Variants in LARGE1 observed in about 807,000 individuals in gnomAD.
LARGE1 encodes LARGE xylosyl- and glucuronyltransferase 1.
In LARGE1, 43 loss-of-function variants were observed where a neutral mutation model predicts 87.6. The ratio of observed to expected loss-of-function variants is 0.49; its 90% CI spans 0.38 to 0.63. LARGE1 has a LOEUF of 0.63. LARGE1 is among the 30% of genes least tolerant of loss of function. The pLI is 0.00. For missense variants in LARGE1, 802 were observed against 1,000.2 expected (o/e 0.80, Z 2.67); for synonymous variants, 434 against 394.6 (o/e 1.10, Z -1.18).
chr22:33,262,008 A>C (rs1164064703), intron 11 of LARGE1, among the ~76,000 whole-genome samples: 1 of 152,260 alleles, frequency 6.6e-6, no homozygotes, highest in Non-Finnish European at 1.5e-5. Context: ...GGATAAAGAA[A>C]GAGTTCTCTA....
chr22:33,698,295 A>G (rs2082311689), intron 2 of LARGE1, among the ~76,000 whole-genome samples: 1 of 139,046 alleles, frequency 7.2e-6, no homozygotes, highest in Non-Finnish European at 1.5e-5. Flanking sequence ...GCTGGTCTTG[A>G]ACTCCTAGCC....
At chr22:33,694,718 G>A (rs1383510683) in intron 2 of LARGE1, among the ~76,000 whole-genome samples, 2 of 152,102 alleles carry the variant, frequency 1.3e-5, no homozygotes, top group Admixed American at 6.6e-5. Flanking sequence ...TGGAGAGACA[G>A]GAGGGGGAAG....
intron 12 of LARGE1, among the ~76,000 whole-genome samples, chr22:33,303,505 A>G (rs565408870): frequency 6.6e-6 from 1 of 152,314 alleles, no homozygotes; most frequent in South Asian, 2.1e-4. Context: ...ACACTTCCAT[A>G]AGCACTAGGC....
At chr22:33,119,529 G>A in the LARGE1 span, among the ~76,000 whole-genome samples, 1 of 152,008 alleles carries the variant, frequency 6.6e-6, no homozygotes, top group Middle Eastern at 3.4e-3. Context: ...TTCCTGGCCT[G>A]TTATGGGCAC....
chr22:33,277,317 C>A, intron 13 of LARGE1, 62 bp from the exon 14 acceptor site: 2 of 1,494,188 alleles, frequency 1.3e-6, no homozygotes, highest in East Asian at 2.3e-5. Context: ...CCAAATGCAG[C>A]CGATGTGGAG....
rs187352629 is a variant in LARGE1 at position 33,605,908 on chromosome 22, G to A, written c.492-1350C>T. Among the ~76,000 whole-genome samples, 17 of 152,306 alleles carry A rather than the reference G, an allele frequency of 1.1e-4. No individual in the cohort carries two copies. The East Asian group carries it at 1.5e-3, about 14-fold the overall frequency. On this transcript the variant is annotated intron_variant, in intron 4 of 14. Transcript: ENST00000397394. ...CCAATTCTGACAGGGTCAGAAGGAC[G>A]TGTAAGAGGAGAGGGAAGCTGTGCC...
At chr22:33,077,298 C>T in the LARGE1 span, among the ~76,000 whole-genome samples, 3 of 152,132 alleles carry the variant, frequency 2.0e-5, no homozygotes, top group South Asian at 6.2e-4. Flanking sequence ...TATTATTATT[C>T]CCATTATAAA....
chr22:33,254,064 A>G (rs1343184961), intron 11 of LARGE1, among the ~76,000 whole-genome samples: 1 of 152,194 alleles, frequency 6.6e-6, no homozygotes, highest in Non-Finnish European at 1.5e-5. Flanking sequence ...CCAAAGTGGG[A>G]GCAAACAGGC....
At chr22:33,656,635 A>G (rs1428877768) in intron 2 of LARGE1, among the ~76,000 whole-genome samples, 1 of 152,106 alleles carries the variant, frequency 6.6e-6, no homozygotes, top group Non-Finnish European at 1.5e-5. Flanking sequence ...CTTTCCTTCC[A>G]GGTTTCTACT....
intron 6 of LARGE1, among the ~76,000 whole-genome samples, chr22:33,493,640 T>C (rs888365093): frequency 6.6e-6 from 1 of 152,118 alleles, no homozygotes; most frequent in African/African-American, 2.4e-5. Context: ...CCCTATGAAG[T>C]AGGCAGTATG....
At chr22:33,690,922 G>GCCACAACAC (rs1555999296) in intron 2 of LARGE1, among the ~76,000 whole-genome samples, 1 of 152,092 alleles carries the variant, frequency 6.6e-6, no homozygotes, top group Non-Finnish European at 1.5e-5. Context: ...CTGAACTAGT[G>GCCACAACAC]CCACAACACA....
At chr22:33,553,657 G>T (rs1248893741) in intron 6 of LARGE1, among the ~76,000 whole-genome samples, 1 of 152,102 alleles carries the variant, frequency 6.6e-6, no homozygotes, top group Non-Finnish European at 1.5e-5. Context: ...ATACCCCATG[G>T]GTATCATTCT....
intron 11 of LARGE1, chr22:33,166,892 C>G (rs1489520179): frequency 4.2e-6 from 2 of 470,676 alleles, no homozygotes; most frequent in Admixed American, 2.3e-5. Flanking sequence ...GTTATTTGTT[C>G]TATGCAATGA....
chr22:33,229,927 G>C (rs1471272386), intron 11 of LARGE1, among the ~76,000 whole-genome samples: 1 of 149,062 alleles, frequency 6.7e-6, no homozygotes, highest in Non-Finnish European at 1.5e-5. Flanking sequence ...ATTAGAATTA[G>C]ATTGACAGCA....
the LARGE1 span, among the ~76,000 whole-genome samples, chr22:33,077,527 A>G: frequency 6.6e-6 from 1 of 152,210 alleles, no homozygotes; most frequent in Non-Finnish European, 1.5e-5. Flanking sequence ...GGCATTTTCT[A>G]TAAGTGATCA....
chr22:33,527,052 T>A (rs2071939172), intron 6 of LARGE1, among the ~76,000 whole-genome samples: 1 of 151,922 alleles, frequency 6.6e-6, no homozygotes, highest in Non-Finnish European at 1.5e-5. Context: ...AGGTCAGGAG[T>A]TCGAGACCAG....
intron 7 of LARGE1, among the ~76,000 whole-genome samples, chr22:33,399,135 T>TC (rs1344946861): frequency 6.6e-6 from 1 of 151,862 alleles, no homozygotes; most frequent in Admixed American, 6.6e-5. Context: ...TCCCTCCGCT[T>TC]CCCCCCGCCC....
chr22:33,092,627 C>T, the LARGE1 span, among the ~76,000 whole-genome samples: 1 of 150,542 alleles, frequency 6.6e-6, no homozygotes, highest in Non-Finnish European at 1.5e-5. Context: ...CCCTACCCCA[C>T]CCCACCCCAC....
chr22:33,279,416 G>A (rs115497202), intron 13 of LARGE1, among the ~76,000 whole-genome samples: 5,790 of 152,248 alleles, frequency 0.038, 353 homozygotes, highest in African/African-American at 0.13. Flanking sequence ...TGAGTGTTCC[G>A]TGTGGCCAAT....
Sources: allele counts gnomAD v4.1 joint callset (sites outside exome capture counted in the v4.1 genomes callset), GRCh38; gene constraint gnomAD v4.1.1; transcripts MANE v1.5; gene names NCBI Gene and HGNC (gene_info 2026-07-23, HGNC 2026-07-21).